SLC24A3: variants seen among roughly 807,000 people sequenced by gnomAD.
SLC24A3 encodes sodium/potassium/calcium exchanger 3.
Under a neutral mutation model 75.8 loss-of-function variants are expected in SLC24A3, and 28 were observed. The ratio of observed to expected loss-of-function variants is 0.37; its 90% CI spans 0.27 to 0.51. The LOEUF is 0.51. SLC24A3 is among the 20% of genes least tolerant of loss of function. The pLI is 0.94. For synonymous variants in SLC24A3, 372 were observed against 334.1 expected, an observed-to-expected ratio of 1.11 and a Z score of -1.24; for missense variants, 663 against 847.8, an observed-to-expected ratio of 0.78 and a Z score of 2.71.
chr20:19,674,515 A>G (rs1167607190), intron 9 of SLC24A3, among the ~76,000 whole-genome samples: 1 of 152,136 alleles, frequency 6.6e-6, no homozygotes, highest in Admixed American at 6.5e-5. Context: ...CTTCCTCCAG[A>G]GCAAGTGGTT....
At position 19,721,063 on chromosome 20, in the gene SLC24A3, G is replaced by T. The variant is rs753556235; in HGVS notation, c.1858G>T (p.Val620Leu). ...CTGTGGGTGCCTCCTCCTGTATGGT[G>T]TGTTCCTGTGCTTCTCCATCATGAC... ...LGCGCLLLYG[V>L]FLCFSIMTEF... Residue 620 changes from valine (V) to leucine (L), a missense_variant, in exon 17 of 17, where the codon GTG (valine) becomes TTG (leucine). Transcript: ENST00000328041. The T allele has an allele frequency of 2.5e-6, 4 of 1,614,028 alleles. No homozygotes were observed. The highest frequency in any genetic ancestry group is 1.7e-5 in the Admixed American group (1 of 60,000).
At chr20:19,242,088 CTCTCA>C (rs1447492963) in intron 1 of SLC24A3, among the ~76,000 whole-genome samples, 1 of 152,090 alleles carries the variant, frequency 6.6e-6, no homozygotes, top group African/African-American at 2.4e-5. Context: ...CCATCATGGA[CTCTCA>C]TCTCAATAGA....
At position 19,633,541 on chromosome 20, in the gene SLC24A3, T is replaced by C. The variant is rs931790375; in HGVS notation, c.613-20521T>C. ...GCGGGCGCCTGTAGTCCCAGCTACT[T>C]GGGAGGCTGAGGCAGGAGAATGGCG... is the stretch of plus-strand genomic sequence containing the variant. On this transcript the variant is annotated intron_variant, in intron 6 of 16. Coordinates refer to ENST00000328041, the MANE Select transcript of SLC24A3 (RefSeq NM_020689.4). Among the ~76,000 whole-genome samples, 28 of 144,494 alleles carry C rather than the reference T, an allele frequency of 1.9e-4. No individual in the cohort carries two copies. In the East Asian group the frequency reaches 2.7e-3, roughly 14 times the overall value. 94.8% of individuals were successfully genotyped at this position (144,494 alleles called of 152,430 possible). A position where few individuals can be genotyped will look rare whatever the true frequency, so the allele number is the denominator to read the frequency against.
intron 3 of SLC24A3, among the ~76,000 whole-genome samples, chr20:19,528,126 G>A (rs756033206): frequency 3.9e-5 from 6 of 152,086 alleles, no homozygotes; most frequent in Non-Finnish European, 5.9e-5. Context: ...CCTCTTTAAA[G>A]GCTCCTGAAA....
At chr20:19,225,628 T>C (rs1396224736) in intron 1 of SLC24A3, among the ~76,000 whole-genome samples, 4 of 152,132 alleles carry the variant, frequency 2.6e-5, no homozygotes, top group African/African-American at 9.7e-5. Flanking sequence ...TGAACCCTGA[T>C]GTGTTTTCTG....
chr20:19,678,802 C>G (rs1157785449), intron 9 of SLC24A3, among the ~76,000 whole-genome samples: 1 of 149,208 alleles, frequency 6.7e-6, no homozygotes, highest in African/African-American at 2.5e-5. Flanking sequence ...GGTTGCCGGG[C>G]GGAGGGTCTC....
intron 9 of SLC24A3, among the ~76,000 whole-genome samples, chr20:19,679,539 G>GA (rs1183346338): frequency 5.3e-4 from 77 of 145,052 alleles, no homozygotes; most frequent in East Asian, 2.2e-3. Context: ...ACCGTGGGGA[G>GA]GGGGAGAGGG....
chr20:19,491,261 T>C (rs898926049), intron 2 of SLC24A3, among the ~76,000 whole-genome samples: 1 of 152,182 alleles, frequency 6.6e-6, no homozygotes, highest in African/African-American at 2.4e-5. Context: ...CTGAATATGC[T>C]TCTCATTCCG....
intron 6 of SLC24A3, among the ~76,000 whole-genome samples, chr20:19,593,153 C>T (rs2031403272): frequency 6.6e-6 from 1 of 152,228 alleles, no homozygotes; most frequent in South Asian, 2.1e-4. Context: ...CAGCTGAGCA[C>T]TGTCCCAAGA....
chr20:19,276,561 G>A (rs1253366863), intron 1 of SLC24A3, among the ~76,000 whole-genome samples: 1 of 152,134 alleles, frequency 6.6e-6, no homozygotes, highest in Non-Finnish European at 1.5e-5. Flanking sequence ...AAATATGTAT[G>A]TATCTAAACA....
intron 2 of SLC24A3, among the ~76,000 whole-genome samples, chr20:19,410,392 C>T (rs968867157): frequency 6.6e-6 from 1 of 152,158 alleles, no homozygotes; most frequent in Non-Finnish European, 1.5e-5. Context: ...TGTCATGCAT[C>T]TCAGGACACA....
chr20:19,408,944 G>A (rs954943018), intron 2 of SLC24A3, among the ~76,000 whole-genome samples: 1 of 152,190 alleles, frequency 6.6e-6, no homozygotes, highest in Non-Finnish European at 1.5e-5. Context: ...AGCTCCTGCT[G>A]TATGCTTTCA....
intron 2 of SLC24A3, among the ~76,000 whole-genome samples, chr20:19,381,682 T>C (rs1040509623): frequency 2.6e-5 from 4 of 152,246 alleles, no homozygotes; most frequent in Admixed American, 6.5e-5. Context: ...TTTCTTTCTT[T>C]ATTTCTTAAG....
At chr20:19,483,171 A>T (rs1988083725) in intron 2 of SLC24A3, among the ~76,000 whole-genome samples, 1 of 152,228 alleles carries the variant, frequency 6.6e-6, no homozygotes, top group Admixed American at 6.5e-5. Context: ...CATTGATCAA[A>T]CTGTCCCACT....
chr20:19,639,983 G>A (rs567034928), intron 6 of SLC24A3, among the ~76,000 whole-genome samples: 3 of 152,230 alleles, frequency 2.0e-5, no homozygotes, highest in Admixed American at 6.5e-5. Context: ...CCGCAAGCGC[G>A]GAGCGCAGCC....
At chr20:19,679,533 T>TGGGGAGAGGGAGACCGA (rs2032583006) in intron 9 of SLC24A3, among the ~76,000 whole-genome samples, 1 of 86,726 alleles carries the variant, frequency 1.2e-5, no homozygotes, top group Non-Finnish European at 2.4e-5. Flanking sequence ...AGGGAGACCG[T>TGGGGAGAGGGAGACCGA]GGGGAGGGGG....
Position 19,681,882 on chromosome 20 carries a change from C to T in SLC24A3, c.792C>T (p.Cys264=), listed in dbSNP as rs1208866588. ...GATATAACGCTTGCATACATCAGTG[C>T]TTTGAGAGGAGGACAAAAGGTGCCG... ...IMKYNACIHQ[C]FERRTKGAGN... Residue 264 remains cysteine, a synonymous_variant, in exon 10 of 17, where the codon TGC becomes TGT. Transcript: ENST00000328041. 1 of 1,614,128 alleles carries T rather than the reference C, an allele frequency of 6.2e-7. No individual in the cohort carries two copies. Among genetic ancestry groups the T allele is most frequent in the South Asian group, 1.1e-5 (1 of 91,080 alleles).
chr20:19,510,671 G>A (rs1384073766), intron 2 of SLC24A3, among the ~76,000 whole-genome samples: 1 of 152,228 alleles, frequency 6.6e-6, no homozygotes, highest in Non-Finnish European at 1.5e-5. Flanking sequence ...GAAGAGACCA[G>A]AGTTTACTCA....
intron 12 of SLC24A3, among the ~76,000 whole-genome samples, chr20:19,687,857 G>C (rs1167409143): frequency 6.6e-6 from 1 of 152,110 alleles, no homozygotes; most frequent in Non-Finnish European, 1.5e-5. Flanking sequence ...CTGTGATTAG[G>C]TTGCAGATGA....
Sources: gnomAD v4.1 joint callset for allele counts (sites outside exome capture counted in the v4.1 genomes callset) on GRCh38, gnomAD v4.1.1 for gene constraint, MANE v1.5 for transcripts, NCBI Gene and HGNC (gene_info 2026-07-23, HGNC 2026-07-21) for gene names.